Variants in GABRG1 observed in about 807,000 individuals in gnomAD.
The protein encoded by GABRG1 is gamma-aminobutyric acid type A receptor subunit gamma1, also known as gamma-aminobutyric acid receptor subunit gamma-1.
A neutral mutation model predicts 49.8 loss-of-function variants in GABRG1; 49 were observed. The observed-to-expected ratio is 0.98, with a 90% CI of 0.78 to 1.25. The LOEUF (loss-of-function observed/expected upper bound fraction) is 1.25. Ranked by LOEUF, GABRG1 falls within the 50% of genes most tolerant of loss-of-function variation. GABRG1 has a pLI of 0.00. For synonymous variants in GABRG1, 232 were observed against 185.1 expected (o/e 1.25, Z -2.06); for missense variants, 552 against 552.3 (o/e 1.00, Z 0.01).
At chr4:46,070,772 C>A (rs781691661) in intron 3 of GABRG1, among the ~76,000 whole-genome samples, 1 of 152,044 alleles carries the variant, frequency 6.6e-6, no homozygotes, top group African/African-American at 2.4e-5. Flanking sequence ...AGTCTTGAAG[C>A]CAAAGGCAGT....
At chr4:46,052,531 T>A (rs548440028) in intron 7 of GABRG1, among the ~76,000 whole-genome samples, 20 of 152,024 alleles carry the variant, frequency 1.3e-4, no homozygotes, top group African/African-American at 4.6e-4. Context: ...GTCCCAATCC[T>A]GTATGTGTAT....
rs1718551518 is a variant in GABRG1 at position 46,058,668 on chromosome 4, C to CAA, written c.626-47_626-46insTT. On this transcript the variant is annotated intron_variant, in intron 5 of 8. Coordinates refer to ENST00000295452, the MANE Select transcript of GABRG1 (RefSeq NM_173536.4). The stretch of plus-strand genomic sequence containing the variant: ...GATTAGCAAGATCCAAATTTGATAC[C>CAA]ATTGCAATGCCAACATTATCCAAAG... 2.1e-6 allele frequency: 3 copies of CAA among 1,444,296 alleles called. No individual in the cohort carries two copies. The African/African-American group carries it at 4.2e-5, about 20-fold the overall frequency. The allele number at this position is 1,444,296 out of a possible 1,614,324, so 89.5% of individuals were successfully genotyped here. A position where few individuals can be genotyped will look rare whatever the true frequency, so the allele number is the denominator to read the frequency against.
intron 2 of GABRG1, among the ~76,000 whole-genome samples, chr4:46,096,264 A>C (rs1231968115): frequency 3.3e-5 from 5 of 151,794 alleles, no homozygotes; most frequent in Non-Finnish European, 5.9e-5. Flanking sequence ...AAATATCATT[A>C]ATTGTTGTAT....
chr4:46,099,296 G>A (rs2109432682), intron 1 of GABRG1, among the ~76,000 whole-genome samples: 1 of 151,792 alleles, frequency 6.6e-6, no homozygotes, highest in African/African-American at 2.4e-5. Context: ...AGTGGGTTTA[G>A]TGTCAGTGAA....
chr4:46,091,805 C>A (rs1719999893), intron 2 of GABRG1, among the ~76,000 whole-genome samples: 1 of 151,994 alleles, frequency 6.6e-6, no homozygotes, highest in African/African-American at 2.4e-5. Flanking sequence ...AGCTATGTTT[C>A]AACCCACAGA....
At chr4:46,044,403 C>T (rs1407020691) in intron 8 of GABRG1, among the ~76,000 whole-genome samples, 2 of 152,064 alleles carry the variant, frequency 1.3e-5, no homozygotes, top group African/African-American at 4.8e-5. Context: ...ATGGCTTGAT[C>T]TCAGGAGGTT....
Position 46,065,393 on chromosome 4 carries a change from C to T in GABRG1, c.513G>A (p.Trp171Ter). The stretch of plus-strand genomic sequence containing the variant: ...GAGTATACAGAACTCGTCCATCATT[C>T]CAAATTCGAAGCAGACGATTAGGAG... ...ITTPNRLLRIWNDGRVLYTLR... is the reference protein window; with the variant it reads ...ITTPNRLLRI Residue 171 changes from tryptophan (W) to a stop codon, truncating the protein, a stop_gained, in exon 4 of 9, where the codon TGG becomes TGA. Coordinates refer to ENST00000295452, the MANE Select transcript of GABRG1 (RefSeq NM_173536.4). LOFTEE classifies it high-confidence loss of function. 6.2e-7 allele frequency: 1 copy of T among 1,611,886 alleles called. No homozygotes were observed.
rs139442957 is a variant in GABRG1 at position 46,075,641 on chromosome 4, C to T, written c.321+8345G>A. Among the ~76,000 whole-genome samples, 496 of 152,092 alleles carry T rather than the reference C, an allele frequency of 3.3e-3. 3 individuals are homozygous for T. The highest frequency in any genetic ancestry group is 0.011 in the African/African-American group (465 of 41,510). ...GTTATGAAGGTTTGAAAAACTATGG[C>T]TTTATATTCCATTTCTTTACCAGGG... On this transcript the variant is annotated intron_variant, in intron 3 of 8. Coordinates refer to ENST00000295452, the MANE Select transcript of GABRG1 (RefSeq NM_173536.4).
intron 1 of GABRG1, among the ~76,000 whole-genome samples, chr4:46,099,237 T>C (rs554655053): frequency 2.0e-5 from 3 of 151,696 alleles, no homozygotes; most frequent in African/African-American, 7.3e-5. Context: ...TCTGACCCTG[T>C]GATTGACTTG....
At position 46,097,267 on chromosome 4, in the gene GABRG1, C is replaced by A. The variant is rs370944496; in HGVS notation, c.187G>T (p.Asp63Tyr). The A allele has an allele frequency of 1.0e-4, 165 of 1,610,972 alleles. No homozygotes were observed. Among genetic ancestry groups the A allele is most frequent in the Non-Finnish European group, 1.4e-4 (161 of 1,178,130 alleles). The change falls in exon 2 of 9, where the codon GAT (aspartate) becomes TAT (tyrosine). Residue 63 changes from aspartate (D) to tyrosine (Y), a missense_variant. Coordinates refer to ENST00000295452, the MANE Select transcript of GABRG1 (RefSeq NM_173536.4). The stretch of plus-strand genomic sequence containing the variant: ...AATGAATTCAGAATTTGTGTGATAT[C>A]TCCTTCATGAATTTTTGGGGCCAAG... The part of the protein sequence containing the change: ...WVLAPKIHEG[D>Y]ITQILNSLLQ...
chr4:46,094,373 G>A (rs957834244), intron 2 of GABRG1, among the ~76,000 whole-genome samples: 1 of 151,920 alleles, frequency 6.6e-6, no homozygotes, highest in African/African-American at 2.4e-5. Context: ...AGTTTATGGT[G>A]GGCACAGCAG....
intron 1 of GABRG1, among the ~76,000 whole-genome samples, chr4:46,111,143 C>A (rs747350155): frequency 2.0e-5 from 3 of 151,078 alleles, no homozygotes; most frequent in Non-Finnish European, 3.0e-5. Flanking sequence ...TAAACCACTT[C>A]ATTGTAATTC....
intron 2 of GABRG1, among the ~76,000 whole-genome samples, chr4:46,085,227 C>G (rs1022471919): frequency 6.6e-6 from 1 of 151,346 alleles, no homozygotes; most frequent in Non-Finnish European, 1.5e-5. Context: ...ATGTTTTCTA[C>G]ATTTACAATG....
chr4:46,095,944 T>C (rs185314617), intron 2 of GABRG1, among the ~76,000 whole-genome samples: 1 of 151,942 alleles, frequency 6.6e-6, no homozygotes, highest in African/African-American at 2.4e-5. Context: ...CATTACCCAA[T>C]AGTTATCTTT....
chr4:46,116,241 T>C (rs1409859162), intron 1 of GABRG1, among the ~76,000 whole-genome samples: 1 of 150,768 alleles, frequency 6.6e-6, no homozygotes, highest in Non-Finnish European at 1.5e-5. Context: ...TGTGAGTGCT[T>C]TTTGGAGTAA....
chr4:46,091,364 AC>A (rs1388684088), intron 2 of GABRG1, among the ~76,000 whole-genome samples: 1 of 152,088 alleles, frequency 6.6e-6, no homozygotes, highest in Non-Finnish European at 1.5e-5. Context: ...TTTTTCACAT[AC>A]CCTACTCGCA....
rs142331197 is a variant in GABRG1, at chr4:46,077,768, G to A, written c.321+6218C>T. On this transcript the variant is annotated intron_variant, in intron 3 of 8. Coordinates refer to ENST00000295452, the MANE Select transcript of GABRG1 (RefSeq NM_173536.4). ...TGAACCAATTGTCACTATAATAAAT[G>A]GTAAATAAATATATGACAGACAAAT... Among the ~76,000 whole-genome samples, 791 of 150,740 alleles carry A rather than the reference G, an allele frequency of 5.2e-3. 4 individuals are homozygous for A. Among genetic ancestry groups the A allele is most frequent in the Middle Eastern group, 0.018 (5 of 274 alleles).
rs984243135 is a variant in GABRG1, at chr4:46,084,114, C to A, written c.254-61G>T. 3 of 959,362 alleles carry A rather than the reference C, an allele frequency of 3.1e-6. No individual in the cohort carries two copies. The African/African-American group carries it at 5.1e-5, about 16-fold the overall frequency. 59.4% of individuals were successfully genotyped at this position (959,362 alleles called of 1,614,324 possible). A position where few individuals can be genotyped will look rare whatever the true frequency, so the allele number is the denominator to read the frequency against. On this transcript the variant is annotated intron_variant, in intron 2 of 8. Coordinates refer to ENST00000295452, the MANE Select transcript of GABRG1 (RefSeq NM_173536.4). ...TGATTAGACATTGTTTTAAATAAAT[C>A]TTAGTTTTAAAGAAATCTTAATAAC...
At chr4:46,062,437 T>C (rs1718732893) in intron 5 of GABRG1, among the ~76,000 whole-genome samples, 1 of 152,180 alleles carries the variant, frequency 6.6e-6, no homozygotes, top group South Asian at 2.1e-4. Context: ...TCTAGATCCC[T>C]GAGGAATCGC....
Sources: allele counts gnomAD v4.1 joint callset (sites outside exome capture counted in the v4.1 genomes callset), GRCh38; gene constraint gnomAD v4.1.1; transcripts MANE v1.5; gene names NCBI Gene and HGNC (gene_info 2026-07-23, HGNC 2026-07-21).